SPOCK3: variants seen among roughly 807,000 people sequenced by gnomAD.
The protein encoded by SPOCK3 is SPARC (osteonectin), cwcv and kazal like domains proteoglycan 3.
Under a neutral mutation model 56.6 loss-of-function variants are expected in SPOCK3, and 30 were observed. The ratio of observed to expected loss-of-function variants is 0.53; its 90% CI spans 0.40 to 0.72. The LOEUF (loss-of-function observed/expected upper bound fraction) is 0.72, where lower values mean the gene tolerates loss of function less well. Among genes scored for constraint, SPOCK3 ranks in the 30% least tolerant of loss-of-function variants. SPOCK3 has a pLI of 0.00. For missense variants in SPOCK3, 527 were observed against 530.0 expected (o/e 0.99, Z 0.06); for synonymous variants, 196 against 183.3 (o/e 1.07, Z -0.56).
intron 3 of SPOCK3, among the ~76,000 whole-genome samples, chr4:167,056,128 G>A (rs1754821670): frequency 6.6e-6 from 1 of 152,188 alleles, no homozygotes; most frequent in South Asian, 2.1e-4. Flanking sequence ...CGATCAGACA[G>A]CAGCATTCGC....
intron 6 of SPOCK3, among the ~76,000 whole-genome samples, chr4:166,878,281 A>C (rs573341169): frequency 6.6e-6 from 1 of 152,270 alleles, no homozygotes; most frequent in Non-Finnish European, 1.5e-5. Context: ...TCCATCTCAA[A>C]AAATAATTGA....
At chr4:166,922,158 T>C (rs969333485) in intron 4 of SPOCK3, among the ~76,000 whole-genome samples, 15 of 152,252 alleles carry the variant, frequency 9.9e-5, no homozygotes, top group African/African-American at 3.4e-4. Flanking sequence ...AACAGTTTCA[T>C]ACCCAAACCA....
chr4:167,024,196 C>T (rs575480621), intron 3 of SPOCK3, among the ~76,000 whole-genome samples: 3 of 152,060 alleles, frequency 2.0e-5, no homozygotes, highest in Admixed American at 6.6e-5. Context: ...CACACTTTTG[C>T]GCACAACTTC....
chr4:166,774,114 C>G (rs1394501094), intron 7 of SPOCK3, among the ~76,000 whole-genome samples: 1 of 152,152 alleles, frequency 6.6e-6, no homozygotes, highest in Non-Finnish European at 1.5e-5. Flanking sequence ...CTGATTCTTT[C>G]TTTCTGTAGC....
At chr4:166,991,995 T>C (rs1318050991) in intron 4 of SPOCK3, among the ~76,000 whole-genome samples, 1 of 152,150 alleles carries the variant, frequency 6.6e-6, no homozygotes, top group Non-Finnish European at 1.5e-5. Context: ...ATCAATAAAG[T>C]ATTAAGTTAA....
chr4:167,140,066 T>G (rs1763409767), intron 2 of SPOCK3, among the ~76,000 whole-genome samples: 1 of 152,082 alleles, frequency 6.6e-6, no homozygotes, highest in Admixed American at 6.6e-5. Context: ...AATGGCAGAA[T>G]GTAGACGTTC....
intron 3 of SPOCK3, among the ~76,000 whole-genome samples, chr4:167,039,944 G>T (rs1347718410): frequency 6.6e-6 from 1 of 151,854 alleles, no homozygotes; most frequent in African/African-American, 2.4e-5. Flanking sequence ...ATTCTTTTGG[G>T]CTTAAGCTAA....
intron 3 of SPOCK3, among the ~76,000 whole-genome samples, chr4:167,008,481 C>T (rs1277584607): frequency 6.6e-6 from 1 of 151,940 alleles, no homozygotes; most frequent in Non-Finnish European, 1.5e-5. Flanking sequence ...TATTTAGGGA[C>T]CATATAATGA....
intron 6 of SPOCK3, among the ~76,000 whole-genome samples, chr4:166,794,143 G>T (rs368326805): frequency 8.8e-5 from 12 of 136,440 alleles, no homozygotes; most frequent in African/African-American, 2.7e-4. Context: ...ATAAGCTACA[G>T]TGAAAATCAA....
intron 5 of SPOCK3, among the ~76,000 whole-genome samples, chr4:166,896,463 G>A (rs1001838136): frequency 2.0e-5 from 3 of 152,126 alleles, no homozygotes; most frequent in African/African-American, 7.2e-5. Context: ...GGGGGCCACC[G>A]AGGTGCATGC....
intron 2 of SPOCK3, among the ~76,000 whole-genome samples, chr4:167,085,723 T>C (rs1758133834): frequency 6.6e-6 from 1 of 152,116 alleles, no homozygotes; most frequent in African/African-American, 2.4e-5. Flanking sequence ...TCATTTTTAC[T>C]TGGGGAAATA....
Position 166,831,755 on chromosome 4 carries a change from TTTG to T in SPOCK3, c.590-39469_590-39467del, listed in dbSNP as rs201297287. On this transcript the variant is annotated intron_variant, in intron 6 of 10. Transcript: ENST00000357545. Reference sequence around the variant, plus strand: ...TTCGGTATCATCAATGTTCTCCATTTTTGTTTTTTTTTTTTTAAATTTCATTTA... The same window carrying T: ...TTCGGTATCATCAATGTTCTCCATTTTTTTTTTTTTTTTAAATTTCATTTA... Among the ~76,000 whole-genome samples, 362 of 126,376 alleles carry T rather than the reference TTTG, an allele frequency of 2.9e-3. 3 individuals are homozygous for T. Among genetic ancestry groups the T allele is most frequent in the South Asian group, 0.018 (61 of 3,356 alleles). 82.9% of individuals were successfully genotyped at this position (126,376 alleles called of 152,430 possible). A position where few individuals can be genotyped will look rare whatever the true frequency, so the allele number is the denominator to read the frequency against.
chr4:167,116,239 C>A (rs1226121477), intron 2 of SPOCK3, among the ~76,000 whole-genome samples: 1 of 151,350 alleles, frequency 6.6e-6, no homozygotes, highest in Non-Finnish European at 1.5e-5. Flanking sequence ...AAATTCCTTG[C>A]AATATTAATT....
intron 10 of SPOCK3, among the ~76,000 whole-genome samples, chr4:166,735,789 T>C (rs1225269321): frequency 6.6e-6 from 1 of 152,066 alleles, no homozygotes; most frequent in Non-Finnish European, 1.5e-5. Context: ...ACCATCCTGC[T>C]GACATCTGGA....
chr4:167,013,184 T>C (rs904837702), intron 3 of SPOCK3, among the ~76,000 whole-genome samples: 1 of 152,052 alleles, frequency 6.6e-6, no homozygotes, highest in Non-Finnish European at 1.5e-5. Flanking sequence ...AATACCAAAA[T>C]ACCATAATAT....
At chr4:167,117,499 G>A (rs1045833995) in intron 2 of SPOCK3, among the ~76,000 whole-genome samples, 1 of 152,142 alleles carries the variant, frequency 6.6e-6, no homozygotes, top group Non-Finnish European at 1.5e-5. Context: ...AATCAAGTGA[G>A]GGGAACCCCC....
At chr4:167,180,265 G>T (rs1030120029) in intron 2 of SPOCK3, among the ~76,000 whole-genome samples, 1 of 152,130 alleles carries the variant, frequency 6.6e-6, no homozygotes, top group Non-Finnish European at 1.5e-5. Context: ...CAGAGGAGGA[G>T]GACATATGCC....
At chr4:166,743,695 C>A (rs190740258) in intron 8 of SPOCK3, among the ~76,000 whole-genome samples, 174 of 152,328 alleles carry the variant, frequency 1.1e-3, no homozygotes, top group Admixed American at 2.2e-3. Context: ...GGGGAATTCC[C>A]TTTCCCAGCC....
intron 2 of SPOCK3, among the ~76,000 whole-genome samples, chr4:167,128,631 T>A (rs28437686): frequency 0.018 from 2,803 of 152,278 alleles, 84 homozygotes; most frequent in African/African-American, 0.064. Flanking sequence ...TAAAATACAC[T>A]AACACTAATG....
Sources: gnomAD v4.1 joint callset for allele counts (sites outside exome capture counted in the v4.1 genomes callset) on GRCh38, gnomAD v4.1.1 for gene constraint, MANE v1.5 for transcripts, NCBI Gene and HGNC (gene_info 2026-07-23, HGNC 2026-07-21) for gene names.